The following PTPRO variants were observed in gnomAD, a reference collection of about 807,000 sequenced individuals.
PTPRO encodes the protein receptor-type tyrosine-protein phosphatase O.
Under a neutral mutation model 145.2 loss-of-function variants are expected in PTPRO, and 62 were observed. The observed-to-expected ratio is 0.43, with a 90% CI of 0.35 to 0.53. The LOEUF (loss-of-function observed/expected upper bound fraction) is 0.53, where lower values mean the gene tolerates loss of function less well. Among genes scored for constraint, PTPRO ranks in the 20% least tolerant of loss-of-function variants. The pLI, the probability that PTPRO is intolerant of heterozygous loss-of-function variation, is 0.01. For missense variants in PTPRO, 1,345 were observed against 1,482.7 expected (o/e 0.91, Z 1.53); for synonymous variants, 565 against 514.7 (o/e 1.10, Z -1.32).
At chr12:15,398,941 A>G (rs962868385) in intron 1 of PTPRO, among the ~76,000 whole-genome samples, 6 of 152,096 alleles carry the variant, frequency 3.9e-5, no homozygotes, top group African/African-American at 4.8e-5. Flanking sequence ...CTGCTCCACA[A>G]TGGAATGAAT....
chr12:15,579,602 A>G (rs1328090900), intron 20 of PTPRO, among the ~76,000 whole-genome samples: 6 of 152,212 alleles, frequency 3.9e-5, no homozygotes, highest in African/African-American at 1.4e-4. Flanking sequence ...TTCAGAAATT[A>G]CTTCTTTAAT....
At chr12:15,510,504 A>G (rs922476237) in intron 7 of PTPRO, among the ~76,000 whole-genome samples, 2 of 152,218 alleles carry the variant, frequency 1.3e-5, no homozygotes, top group African/African-American at 4.8e-5. Flanking sequence ...TAAGAATAAA[A>G]AGGCTAAAGG....
chr12:15,526,020 C>T, intron 11 of PTPRO, 122 bp from the exon 12 acceptor site: 1 of 1,236,266 alleles, frequency 8.1e-7, no homozygotes, highest in Admixed American at 1.7e-5. Context: ...ATAATATAAT[C>T]AATTGCAGAC....
chr12:15,413,285 TG>T (rs1163099073), intron 1 of PTPRO, among the ~76,000 whole-genome samples: 7 of 152,230 alleles, frequency 4.6e-5, no homozygotes, highest in Non-Finnish European at 1.5e-5. Flanking sequence ...TTTATAGATA[TG>T]GGGTTTCACC....
chr12:15,494,463 A>G (rs1284794735), intron 2 of PTPRO, among the ~76,000 whole-genome samples: 1 of 152,210 alleles, frequency 6.6e-6, no homozygotes, highest in Non-Finnish European at 1.5e-5. Context: ...AGACAATGAG[A>G]GAAGTCACTG....
chr12:15,400,043 T>A (rs1369964792), intron 1 of PTPRO, among the ~76,000 whole-genome samples: 1 of 130,890 alleles, frequency 7.6e-6, no homozygotes, highest in African/African-American at 2.9e-5. Flanking sequence ...AGAGCAAGAC[T>A]CTTGTCTCAA....
intron 1 of PTPRO, among the ~76,000 whole-genome samples, chr12:15,403,045 T>A (rs367588583): frequency 6.6e-6 from 1 of 152,250 alleles, no homozygotes; most frequent in Non-Finnish European, 1.5e-5. Context: ...ATTCCATATG[T>A]ACCATAAACA....
chr12:15,594,859 C>A, intron 25 of PTPRO, 78 bp from the exon 26 acceptor site: 1 of 1,008,404 alleles, frequency 9.9e-7, no homozygotes, highest in Non-Finnish European at 1.5e-6. Context: ...AGATCTTGAT[C>A]ATTAAAATTG....
At chr12:15,494,397 A>G (rs1942059540) in intron 2 of PTPRO, among the ~76,000 whole-genome samples, 1 of 152,326 alleles carries the variant, frequency 6.6e-6, no homozygotes, top group South Asian at 2.1e-4. Flanking sequence ...TCACTGAAAT[A>G]CCTGTTAGTA....
At chr12:15,561,874 TG>T (rs1943781810) in intron 17 of PTPRO, among the ~76,000 whole-genome samples, 1 of 152,150 alleles carries the variant, frequency 6.6e-6, no homozygotes, top group Admixed American at 6.6e-5. Flanking sequence ...TTTAAGCTTC[TG>T]TAAGGTAGGC....
At position 15,598,015 on chromosome 12, in the gene PTPRO, C is replaced by T. The variant is rs1018099582; in HGVS notation, c.*1942C>T. On this transcript the variant is annotated 3_prime_UTR_variant, in exon 27 of 27. Transcript: ENST00000281171. ...CTCAGAGCATACAGAAGTTTTGCATCCTGGAACATTGCTTCCCATGAAACA... is the reference window on the plus strand; with the variant it reads ...CTCAGAGCATACAGAAGTTTTGCATTCTGGAACATTGCTTCCCATGAAACA... 6.6e-6 allele frequency among the ~76,000 whole-genome samples: 1 copy of T among 152,120 alleles called. No homozygotes were observed. The highest frequency in any genetic ancestry group is 2.4e-5 in the African/African-American group (1 of 41,422).
intron 1 of PTPRO, among the ~76,000 whole-genome samples, chr12:15,437,606 C>T (rs1181397618): frequency 6.6e-6 from 1 of 152,108 alleles, no homozygotes; most frequent in Non-Finnish European, 1.5e-5. Context: ...TACCTGCTTG[C>T]CTGGTGTGGC....
At chr12:15,375,321 C>T (rs1271320767) in intron 1 of PTPRO, among the ~76,000 whole-genome samples, 1 of 152,034 alleles carries the variant, frequency 6.6e-6, no homozygotes, top group East Asian at 1.9e-4. Context: ...AAATCTGTTA[C>T]CTGAGGGGAC....
chr12:15,467,925 G>T (rs769155348), intron 1 of PTPRO, among the ~76,000 whole-genome samples: 2 of 152,134 alleles, frequency 1.3e-5, no homozygotes, highest in Non-Finnish European at 2.9e-5. Context: ...ACTCCCCAAT[G>T]GTGCATTAGA....
At chr12:15,377,062 T>C (rs1591756823) in intron 1 of PTPRO, among the ~76,000 whole-genome samples, 1 of 152,014 alleles carries the variant, frequency 6.6e-6, no homozygotes, top group South Asian at 2.1e-4. Context: ...TACAAAGAGA[T>C]GGGGAGAGAG....
intron 1 of PTPRO, among the ~76,000 whole-genome samples, chr12:15,358,034 C>T (rs2136238956): frequency 6.6e-6 from 1 of 151,584 alleles, no homozygotes; most frequent in Non-Finnish European, 1.5e-5. Context: ...GGCACATATA[C>T]ACCATGGAAT....
At chr12:15,530,549 G>A (rs1398126518) in intron 12 of PTPRO, among the ~76,000 whole-genome samples, 1 of 152,070 alleles carries the variant, frequency 6.6e-6, no homozygotes, top group Non-Finnish European at 1.5e-5. Context: ...AATGGAATAA[G>A]ACTAGAAAGT....
chr12:15,360,810 G>T (rs556486804), intron 1 of PTPRO, among the ~76,000 whole-genome samples: 1 of 140,098 alleles, frequency 7.1e-6, no homozygotes, highest in East Asian at 2.1e-4. Flanking sequence ...GTATATATAC[G>T]TGTGTATATA....
At chr12:15,492,650 T>C (rs1042398742) in intron 2 of PTPRO, among the ~76,000 whole-genome samples, 5 of 152,154 alleles carry the variant, frequency 3.3e-5, no homozygotes, top group African/African-American at 7.2e-5. Flanking sequence ...ATTTAATGCA[T>C]CAAACTAGGT....
Sources: allele counts gnomAD v4.1 joint callset (sites outside exome capture counted in the v4.1 genomes callset), GRCh38; gene constraint gnomAD v4.1.1; transcripts MANE v1.5; gene names NCBI Gene and HGNC (gene_info 2026-07-23, HGNC 2026-07-21).